Variants in WWP2 observed in about 807,000 individuals in gnomAD.
The protein encoded by WWP2 is WW domain containing E3 ubiquitin protein ligase 2.
WWP2 carries 57 observed loss-of-function variants against 121.0 expected under a neutral mutation model. The observed-to-expected ratio is 0.47, with a 90% CI of 0.38 to 0.59. The LOEUF is 0.59. Ranked by LOEUF, WWP2 falls within the 20% of genes least tolerant of loss-of-function variation. The pLI, the probability that WWP2 is intolerant of heterozygous loss-of-function variation, is 0.00. For synonymous variants in WWP2, 449 were observed against 441.3 expected (o/e 1.02, Z -0.22); for missense variants, 962 against 1,158.9 (o/e 0.83, Z 2.47).
chr16:69,901,907 C>T (rs953562870), intron 8 of WWP2, among the ~76,000 whole-genome samples: 1 of 152,166 alleles, frequency 6.6e-6, no homozygotes, highest in South Asian at 2.1e-4. Flanking sequence ...GTTGAGATTG[C>T]ACCACTGCAC....
intron 4 of WWP2, among the ~76,000 whole-genome samples, chr16:69,803,673 G>A (rs1053641361): frequency 3.9e-5 from 6 of 152,106 alleles, no homozygotes; most frequent in Admixed American, 2.0e-4. Context: ...CCTGGGAGGC[G>A]GAGGCAGGTT....
rs577960302 is a variant in WWP2, at chr16:69,909,670, T to G, written c.1004+820T>G. On this transcript the variant is annotated intron_variant, in intron 9 of 23. Transcript: ENST00000359154. Reference sequence around the variant, plus strand: ...TTTTCCACTTTGACTTGAAGTCAAATGAAGTTACCAAAGTTAAACATGGAC... The same window carrying G: ...TTTTCCACTTTGACTTGAAGTCAAAGGAAGTTACCAAAGTTAAACATGGAC... 3.0e-6 allele frequency: 3 copies of G among 985,348 alleles called. No individual in the cohort carries two copies. The Admixed American group carries it at 1.8e-4, about 61-fold the overall frequency. The allele number at this position is 985,348 out of a possible 1,614,324, so 61.0% of individuals were successfully genotyped here.
chr16:69,891,530 A>AT (rs2151942533), intron 8 of WWP2, among the ~76,000 whole-genome samples: 1 of 152,324 alleles, frequency 6.6e-6, no homozygotes, highest in East Asian at 1.9e-4. Context: ...ATTAGACAGA[A>AT]TATCTGTTAC....
chr16:69,931,432 A>T, intron 14 of WWP2, 77 bp from the exon 15 acceptor site: 2 of 1,574,666 alleles, frequency 1.3e-6, no homozygotes, highest in South Asian at 2.2e-5. Context: ...AGGCTGGGGA[A>T]TGCCTGTTCA....
chr16:69,765,460 A>T lies in WWP2; in HGVS notation c.-16+3069A>T, dbSNP rs143315818. On this transcript the variant is annotated intron_variant, in intron 1 of 23. Transcript: ENST00000359154. ...ATCTTCAATTTTATTAGAGAAGGGCACATTGATAACTAAGTATAATATGTA... is the reference window on the plus strand; with the variant it reads ...ATCTTCAATTTTATTAGAGAAGGGCTCATTGATAACTAAGTATAATATGTA... Among the ~76,000 whole-genome samples the T allele has an allele frequency of 9.4e-3, 1,435 of 152,316 alleles. 21 individuals are homozygous for T. Among genetic ancestry groups the T allele is most frequent in the African/African-American group, 0.033 (1,372 of 41,556 alleles).
At chr16:69,924,882 G>C (rs1028805410) in intron 10 of WWP2, 64 of 978,214 alleles carry the variant, frequency 6.5e-5, no homozygotes, top group East Asian at 5.7e-4. Context: ...TGGGAGGTTG[G>C]GGGGGACGCC....
Position 69,888,112 on chromosome 16 carries a change from A to G in WWP2, c.777A>G (p.Ala259=), listed in dbSNP as rs2057957396. The change falls in exon 8 of 24, where the codon GCA becomes GCG. Residue 259 remains alanine, a synonymous_variant. Coordinates refer to ENST00000359154, the MANE Select transcript of WWP2 (RefSeq NM_001270454.2). ...SVVGVTSPPA[A]PLSVTPNPNT... The stretch of plus-strand genomic sequence containing the variant: ...TTGGTGTGACGTCCCCACCTGCTGC[A>G]CCCTTGAGTGTGACCCCGAATCCCA... 1.2e-6 allele frequency: 2 copies of G among 1,613,958 alleles called. No homozygotes were observed. The highest frequency in any genetic ancestry group is 1.3e-5 in the African/African-American group (1 of 74,882).
At chr16:69,922,125 T>A (rs1222850852) in intron 10 of WWP2, among the ~76,000 whole-genome samples, 1 of 151,878 alleles carries the variant, frequency 6.6e-6, no homozygotes, top group African/African-American at 2.4e-5. Flanking sequence ...TTGTGGCTCT[T>A]AGGGTGTGGA....
In WWP2 at chr16:69,795,048, A is replaced by G. The variant is rs990777867; in HGVS notation, c.71-3634A>G. 3.9e-5 allele frequency among the ~76,000 whole-genome samples: 6 copies of G among 152,230 alleles called. No individual in the cohort carries two copies. In the East Asian group the frequency reaches 7.7e-4, roughly 20 times the overall value. ...CAGGAGTTCGAGATCAGCCTGGCCA[A>G]TGGGGTGAAATCCCGTCTCTACAAA... On this transcript the variant is annotated intron_variant, in intron 2 of 23. Coordinates refer to ENST00000359154, the MANE Select transcript of WWP2 (RefSeq NM_001270454.2).
chr16:69,809,268 C>G (rs982678926), intron 4 of WWP2, among the ~76,000 whole-genome samples: 2 of 152,156 alleles, frequency 1.3e-5, no homozygotes, highest in Non-Finnish European at 2.9e-5. Flanking sequence ...GCCTATGTAC[C>G]TAACATTCCA....
chr16:69,933,213 C>G (rs755406501), intron 16 of WWP2: 13 of 457,688 alleles, frequency 2.8e-5, no homozygotes, highest in South Asian at 2.1e-4. Flanking sequence ...TCTGCCCAGC[C>G]ACAAACAGCC....
chr16:69,763,289 T>A (rs4985523), intron 1 of WWP2, among the ~76,000 whole-genome samples: 37,786 of 152,090 alleles, frequency 0.25, 5,021 homozygotes, highest in East Asian at 0.41. Flanking sequence ...TGACGAACTG[T>A]AACTAGGTAG....
chr16:69,780,669 T>C (rs948807543), intron 1 of WWP2, among the ~76,000 whole-genome samples: 2 of 152,202 alleles, frequency 1.3e-5, no homozygotes, highest in African/African-American at 4.8e-5. Flanking sequence ...TTGATCTTTT[T>C]ACTGCTTTGC....
intron 9 of WWP2, among the ~76,000 whole-genome samples, chr16:69,912,580 T>C (rs1301976280): frequency 6.6e-6 from 1 of 152,008 alleles, no homozygotes; most frequent in Admixed American, 6.6e-5. Flanking sequence ...TGTTTGTTTG[T>C]TTGTTTGTTT....
At chr16:69,830,272 A>G (rs2056771296) in intron 4 of WWP2, among the ~76,000 whole-genome samples, 1 of 152,000 alleles carries the variant, frequency 6.6e-6, no homozygotes, top group African/African-American at 2.4e-5. Flanking sequence ...TTTCTGTTTT[A>G]TAGAGATGAG....
At chr16:69,915,203 A>G (rs1433426994) in intron 9 of WWP2, among the ~76,000 whole-genome samples, 1 of 152,204 alleles carries the variant, frequency 6.6e-6, no homozygotes, top group African/African-American at 2.4e-5. Flanking sequence ...GGAAGTTCTC[A>G]CCTCCAGAAA....
rs1416517881 is a variant in WWP2 at position 69,888,163 on chromosome 16, C to G, written c.828C>G (p.Ala276=). 2 of 1,614,238 alleles carry G rather than the reference C, an allele frequency of 1.2e-6. No individual in the cohort carries two copies. Among genetic ancestry groups the G allele is most frequent in the African/African-American group, 1.3e-5 (1 of 75,058 alleles). Residue 276 remains alanine (A), a synonymous_variant, in exon 8 of 24, where the codon GCC becomes GCG. Coordinates refer to ENST00000359154, the MANE Select transcript of WWP2 (RefSeq NM_001270454.2). ...NPNTTSLPAP[A]TPAEGEEPST... ...ACACGACTTCTCTCCCTGCCCCAGC[C>G]ACACCGGCTGAAGGAGAGGAACCCA...
chr16:69,874,674 G>GCAA (rs529529806), intron 7 of WWP2, among the ~76,000 whole-genome samples: 197 of 152,120 alleles, frequency 1.3e-3, no homozygotes, highest in Middle Eastern at 6.8e-3. Flanking sequence ...GACTTGTATG[G>GCAA]GATGATTTAC....
At chr16:69,936,217 C>G in intron 18 of WWP2, 95 bp from the exon 19 acceptor site, 1 of 1,569,952 alleles carries the variant, frequency 6.4e-7, no homozygotes, top group Non-Finnish European at 8.7e-7. Flanking sequence ...TCTAGGCCAC[C>G]TGTGGGCCCT....
Sources: allele counts gnomAD v4.1 joint callset (sites outside exome capture counted in the v4.1 genomes callset), GRCh38; gene constraint gnomAD v4.1.1; transcripts MANE v1.5; gene names NCBI Gene and HGNC (gene_info 2026-07-23, HGNC 2026-07-21).